COL10A1: variants seen among roughly 807,000 people sequenced by gnomAD.
COL10A1 encodes the protein collagen type X alpha 1 chain.
A neutral mutation model predicts 18.2 loss-of-function variants in COL10A1; 10 were observed. The observed-to-expected ratio is 0.55, with a 90% CI of 0.34 to 0.93. COL10A1 has a LOEUF of 0.93. Ranked by LOEUF, COL10A1 falls within the 40% of genes least tolerant of loss-of-function variation. The pLI, the probability that COL10A1 is intolerant of heterozygous loss-of-function variation, is 0.02. For synonymous variants in COL10A1, 330 were observed against 316.6 expected, an observed-to-expected ratio of 1.04 and a Z score of -0.45; for missense variants, 897 against 853.5, an observed-to-expected ratio of 1.05 and a Z score of -0.64.
chr6:116,140,335 C>T (rs528924906), intron 1 of COL10A1, among the ~76,000 whole-genome samples: 2 of 152,256 alleles, frequency 1.3e-5, no homozygotes, highest in East Asian at 3.9e-4. Context: ...AGTGGGAGCA[C>T]CACCTTTGCT....
At position 116,121,259 on chromosome 6, in the gene COL10A1, G is replaced by T. The variant is rs773160959; in HGVS notation, c.857C>A (p.Ala286Asp). 3 of 1,613,914 alleles carry T rather than the reference G, an allele frequency of 1.9e-6. No homozygotes were observed. The South Asian group carries it at 3.3e-5, about 18-fold the overall frequency. Reference sequence around the variant, plus strand: ...CCCTGGGGGCCCAGCTATTCCTGGAGCCCCAGGGAGACCTTTTGTTCCTGG... The same window carrying T: ...CCCTGGGGGCCCAGCTATTCCTGGATCCCCAGGGAGACCTTTTGTTCCTGG... Reference protein sequence around the residue: ...GIPGTKGLPGAPGIAGPPGPP... With the variant: ...GIPGTKGLPGDPGIAGPPGPP... The change falls in exon 3 of 3, where the codon GCT (alanine) becomes GAT (aspartate). Residue 286 changes from alanine (A) to aspartate (D), a missense_variant. By Grantham distance (126) the Ala-to-Asp change is moderately radical (BLOSUM62 -2). Transcript: ENST00000651968.
intron 1 of COL10A1, among the ~76,000 whole-genome samples, chr6:116,143,389 T>A (rs1779815056): frequency 6.6e-6 from 1 of 152,128 alleles, no homozygotes; most frequent in African/African-American, 2.4e-5. Flanking sequence ...TTTTTTTGTA[T>A]CTTTAGTAGA....
At chr6:116,146,322 A>G (rs936240413) in intron 1 of COL10A1, among the ~76,000 whole-genome samples, 1 of 152,204 alleles carries the variant, frequency 6.6e-6, no homozygotes, top group Non-Finnish European at 1.5e-5. Flanking sequence ...GGTGGCGTCA[A>G]CCTGTGATTT....
the COL10A1 span, among the ~76,000 whole-genome samples, chr6:116,216,667 T>C: frequency 6.6e-6 from 1 of 152,072 alleles, no homozygotes; most frequent in African/African-American, 2.4e-5. Context: ...ATATTAGATA[T>C]AAACCATATA....
At chr6:116,177,245 T>TTC in the COL10A1 span, among the ~76,000 whole-genome samples, 1 of 152,244 alleles carries the variant, frequency 6.6e-6, no homozygotes, top group Non-Finnish European at 1.5e-5. Flanking sequence ...TCTTTGCTAT[T>TTC]TCCCTTGACT....
At chr6:116,170,946 A>T in the COL10A1 span, among the ~76,000 whole-genome samples, 2 of 152,036 alleles carry the variant, frequency 1.3e-5, no homozygotes, top group East Asian at 3.9e-4. Flanking sequence ...GTCAAACCTC[A>T]TTCTGTATTT....
At chr6:116,154,173 A>T (rs563414166) in intron 1 of COL10A1, among the ~76,000 whole-genome samples, 2 of 152,110 alleles carry the variant, frequency 1.3e-5, no homozygotes, top group African/African-American at 4.8e-5. Flanking sequence ...GAGTCTATTG[A>T]TTTTACTTTT....
the COL10A1 span, among the ~76,000 whole-genome samples, chr6:116,206,528 G>A: frequency 6.6e-6 from 1 of 151,922 alleles, no homozygotes; most frequent in Non-Finnish European, 1.5e-5. Flanking sequence ...TTTTATCTGT[G>A]TGTCTACTCT....
At chr6:116,127,031 G>T (rs1053298356), upstream of COL10A1, among the ~76,000 whole-genome samples, 2 of 152,130 alleles carry the variant, frequency 1.3e-5, no homozygotes, top group African/African-American at 2.4e-5. Context: ...AAGGTGGGAA[G>T]TTGAGAGTCC....
intron 1 of COL10A1, among the ~76,000 whole-genome samples, chr6:116,158,165 TC>T (rs1780244807): frequency 6.6e-6 from 1 of 152,178 alleles, no homozygotes; most frequent in African/African-American, 2.4e-5. Flanking sequence ...TACAAATAAA[TC>T]TACATTGACA....
At chr6:116,164,760 A>C in the COL10A1 span, among the ~76,000 whole-genome samples, 1 of 151,994 alleles carries the variant, frequency 6.6e-6, no homozygotes, top group African/African-American at 2.4e-5. Context: ...AGTGGTGACA[A>C]ATTTCCTTAG....
upstream of COL10A1, among the ~76,000 whole-genome samples, chr6:116,129,257 A>G (rs981878243): frequency 2.0e-5 from 3 of 152,238 alleles, no homozygotes; most frequent in African/African-American, 7.2e-5. Context: ...TATATTATAT[A>G]GAAACACATA....
At chr6:116,166,938 GC>G in the COL10A1 span, among the ~76,000 whole-genome samples, 1 of 152,048 alleles carries the variant, frequency 6.6e-6, no homozygotes, top group Non-Finnish European at 1.5e-5. Context: ...GAAGTATCTT[GC>G]CTTCCTTTCT....
rs1356607054 is a variant in COL10A1, at chr6:116,120,552, G to T, written c.1564C>A (p.Pro522Thr). ...PPGPPGQAVM[P>T]EGFIKAGQRP... ...TGGCCTGCCTTTATAAAACCCTCAG[G>T]CATGACTGCTTGACCTGGTGGGCCT... Residue 522 changes from proline (P) to threonine (T), a missense_variant, in exon 3 of 3, where the codon CCT (proline) becomes ACT (threonine). Coordinates refer to ENST00000651968, the MANE Select transcript of COL10A1 (RefSeq NM_000493.4). The T allele has an allele frequency of 1.2e-6, 2 of 1,612,690 alleles. No individual in the cohort carries two copies. Among genetic ancestry groups the T allele is most frequent in the Non-Finnish European group, 1.7e-6 (2 of 1,179,262 alleles).
chr6:116,131,731 T>C (rs993884478), intron 1 of COL10A1, among the ~76,000 whole-genome samples: 2 of 152,144 alleles, frequency 1.3e-5, no homozygotes, highest in South Asian at 2.1e-4. Flanking sequence ...ATAGGTAAAC[T>C]TGTGTCATGG....
the COL10A1 span, among the ~76,000 whole-genome samples, chr6:116,207,669 A>G: frequency 6.6e-6 from 1 of 151,940 alleles, no homozygotes; most frequent in South Asian, 2.1e-4. Flanking sequence ...AAGAAGAAAA[A>G]AGAGGAATTT....
Position 116,121,305 on chromosome 6 carries a change from C to A in COL10A1, c.811G>T (p.Ala271Ser). 6.2e-7 allele frequency: 1 copy of A among 1,614,080 alleles called. No individual in the cohort carries two copies. Among genetic ancestry groups the A allele is most frequent in the Non-Finnish European group, 8.5e-7 (1 of 1,179,982 alleles). Residue 271 changes from alanine to serine, a missense_variant, in exon 3 of 3, where the codon GCC (alanine) becomes TCC (serine). Ala to Ser is a moderately conservative substitution (Grantham distance 99). Coordinates refer to ENST00000651968, the MANE Select transcript of COL10A1 (RefSeq NM_000493.4). ...CCTGGAATCCCTGGCTGGCCTGGGG[C>A]TCCAGCAGCTCCTGGCTTTCCAATG... ...EGIGKPGAAGAPGQPGIPGTK... is the reference protein window; with the variant it reads ...EGIGKPGAAGSPGQPGIPGTK...
chr6:116,145,318 A>C (rs555566343), intron 1 of COL10A1: 4 of 217,586 alleles, frequency 1.8e-5, no homozygotes, highest in Non-Finnish European at 3.1e-5. Context: ...TTGTCAGAGC[A>C]TAAGATCTGA....
upstream of COL10A1, among the ~76,000 whole-genome samples, chr6:116,128,366 C>T (rs995872340): frequency 8.4e-4 from 128 of 152,120 alleles, 1 homozygote; most frequent in Non-Finnish European, 1.6e-3. Flanking sequence ...GTATTTAAAA[C>T]TATTTTTACT....
Sources: allele counts gnomAD v4.1 joint callset (sites outside exome capture counted in the v4.1 genomes callset), GRCh38; gene constraint gnomAD v4.1.1; transcripts MANE v1.5; gene names NCBI Gene and HGNC (gene_info 2026-07-23, HGNC 2026-07-21).